GHR: variants seen among roughly 807,000 people sequenced by gnomAD.
The protein encoded by GHR is GH receptor.
Under a neutral mutation model 67.1 loss-of-function variants are expected in GHR, and 35 were observed. That is an observed-to-expected ratio of 0.52 (90% CI 0.40 to 0.69). The LOEUF (loss-of-function observed/expected upper bound fraction) is 0.69, where lower values mean the gene tolerates loss of function less well. GHR is among the 30% of genes least tolerant of loss of function. GHR has a pLI of 0.00. For synonymous variants in GHR, 272 were observed against 269.1 expected, an observed-to-expected ratio of 1.01 and a Z score of -0.10; for missense variants, 792 against 764.6, an observed-to-expected ratio of 1.04 and a Z score of -0.42.
intron 5 of GHR, among the ~76,000 whole-genome samples, chr5:42,696,559 A>G (rs1225687996): frequency 1.3e-5 from 2 of 152,210 alleles, no homozygotes; most frequent in African/African-American, 4.8e-5. Context: ...ACAGTAACTT[A>G]GTAGTTACTT....
rs1398060744 is a variant in GHR, at chr5:42,699,838, C to G, written c.454C>G (p.Pro152Ala). The change falls in exon 6 of 10, where the codon CCC (proline) becomes GCC (alanine). Residue 152 changes from proline to alanine, a missense_variant. Pro to Ala is a conservative substitution (Grantham distance 27). Coordinates refer to ENST00000230882, the MANE Select transcript of GHR (RefSeq NM_000163.5). Reference sequence around the variant, plus strand: ...GAATTGCACAGTGCAACCAGATCCACCCATTGCCCTCAACTGGACTTTACT... The same window carrying G: ...GAATTGCACAGTGCAACCAGATCCAGCCATTGCCCTCAACTGGACTTTACT... ...SVDEIVQPDP[P>A]IALNWTLLNV... is the part of the protein sequence containing the mutation. 6.2e-7 allele frequency: 1 copy of G among 1,609,254 alleles called. No homozygotes were observed. The highest frequency in any genetic ancestry group is 1.3e-5 in the African/African-American group (1 of 74,936).
At chr5:42,627,640 C>G (rs1035331727) in intron 2 of GHR, among the ~76,000 whole-genome samples, 1 of 152,238 alleles carries the variant, frequency 6.6e-6, no homozygotes, top group Non-Finnish European at 1.5e-5. Context: ...TGCCCCACTG[C>G]TCAAACCCCT....
intron 2 of GHR, among the ~76,000 whole-genome samples, chr5:42,574,483 C>T (rs1206844836): frequency 6.6e-6 from 1 of 152,208 alleles, no homozygotes; most frequent in African/African-American, 2.4e-5. Flanking sequence ...CTAAGAGGCT[C>T]TTAATGAGAA....
chr5:42,493,681 TCAA>T (rs1487752675), intron 1 of GHR, among the ~76,000 whole-genome samples: 1 of 152,222 alleles, frequency 6.6e-6, no homozygotes, highest in Non-Finnish European at 1.5e-5. Flanking sequence ...TTCTAAAAGT[TCAA>T]CTTTTGTATA....
In GHR at chr5:42,514,287, C is replaced by G. The variant is rs147943113; in HGVS notation, c.-11-51577C>G. The stretch of plus-strand genomic sequence containing the variant: ...GGTCACCTCTTTGGATTGGCAGACC[C>G]AGGGAGTCCATATTGGGAAGATAAA... On this transcript the variant is annotated intron_variant, in intron 1 of 9. Transcript: ENST00000230882. The G allele has an allele frequency of 5.4e-4, 528 of 984,158 alleles. 1 individual carries two copies. The African/African-American group carries it at 8.6e-3, about 16-fold the overall frequency. 61.0% of individuals were successfully genotyped at this position (984,158 alleles called of 1,614,324 possible).
intron 3 of GHR, among the ~76,000 whole-genome samples, chr5:42,632,625 T>C (rs867322576): frequency 6.6e-6 from 1 of 152,210 alleles, no homozygotes; most frequent in Non-Finnish European, 1.5e-5. Context: ...TTCCACAGAT[T>C]AGTTTCTTAA....
At chr5:42,514,009 G>A in intron 1 of GHR, 1 of 566,566 alleles carries the variant, frequency 1.8e-6, no homozygotes, top group Non-Finnish European at 2.2e-6. Context: ...TTGAAAAAAT[G>A]ATTTTATTAC....
At chr5:42,446,085 C>G (rs574768254) in intron 1 of GHR, among the ~76,000 whole-genome samples, 1 of 152,302 alleles carries the variant, frequency 6.6e-6, no homozygotes, top group Non-Finnish European at 1.5e-5. Context: ...CTCAGCAAAC[C>G]TGTGTTCCAT....
At chr5:42,695,401 A>G (rs1018928076) in intron 5 of GHR, among the ~76,000 whole-genome samples, 4 of 152,198 alleles carry the variant, frequency 2.6e-5, no homozygotes, top group African/African-American at 9.7e-5. Flanking sequence ...CAAAGGGTGA[A>G]CTTAATATAT....
At chr5:42,587,478 A>G (rs952419537) in intron 2 of GHR, among the ~76,000 whole-genome samples, 2 of 152,138 alleles carry the variant, frequency 1.3e-5, no homozygotes, top group African/African-American at 4.8e-5. Context: ...AGAACTCCCA[A>G]GACCAGAGGG....
chr5:42,647,574 CAAAAA>C (rs36110641), intron 3 of GHR: 40 of 325,698 alleles, frequency 1.2e-4, no homozygotes, highest in Admixed American at 4.3e-4. Flanking sequence ...ACTGCGTCTC[CAAAAA>C]AAAAAAAAAA....
chr5:42,474,497 G>A (rs1046107787), intron 1 of GHR, among the ~76,000 whole-genome samples: 4 of 152,054 alleles, frequency 2.6e-5, no homozygotes, highest in Non-Finnish European at 5.9e-5. Context: ...CCCTCTGAGA[G>A]GCTTGCAAAT....
intron 1 of GHR, among the ~76,000 whole-genome samples, chr5:42,475,907 AT>A (rs367798408): frequency 0.017 from 2,415 of 144,406 alleles, 44 homozygotes; most frequent in African/African-American, 0.053. Context: ...CAGATTAAAA[AT>A]TTTTTTTTTT....
intron 1 of GHR, among the ~76,000 whole-genome samples, chr5:42,543,685 C>T (rs900844749): frequency 1.3e-5 from 2 of 152,028 alleles, no homozygotes; most frequent in Non-Finnish European, 1.5e-5. Flanking sequence ...ATAGATCTAC[C>T]TTTTATTATA....
chr5:42,601,449 A>C (rs978535027), intron 2 of GHR, among the ~76,000 whole-genome samples: 5 of 152,138 alleles, frequency 3.3e-5, no homozygotes, highest in Non-Finnish European at 7.3e-5. Flanking sequence ...TATTTAAAAA[A>C]TCTCACTCCA....
chr5:42,438,002 T>C (rs1743406379), intron 1 of GHR, among the ~76,000 whole-genome samples: 1 of 152,226 alleles, frequency 6.6e-6, no homozygotes, highest in Non-Finnish European at 1.5e-5. Flanking sequence ...ATTAGCTTTT[T>C]GGTTTCTAAA....
intron 1 of GHR, among the ~76,000 whole-genome samples, chr5:42,519,160 T>C (rs6451624): frequency 0.46 from 69,639 of 152,022 alleles, 16,395 homozygotes; most frequent in Middle Eastern, 0.51. Context: ...GCTATAACCC[T>C]CTGTTTTCAC....
At chr5:42,505,377 T>A (rs7710528) in intron 1 of GHR, among the ~76,000 whole-genome samples, 68,961 of 151,316 alleles carry the variant, frequency 0.46, 16,156 homozygotes, top group Middle Eastern at 0.51. Context: ...TAATTTTTTT[T>A]AAAAAAGTTA....
intron 3 of GHR, among the ~76,000 whole-genome samples, chr5:42,643,607 T>G (rs759732409): frequency 6.6e-6 from 1 of 152,200 alleles, no homozygotes; most frequent in Non-Finnish European, 1.5e-5. Context: ...CATATGTGCA[T>G]GGATTTTTAG....
Sources: gnomAD v4.1 joint callset for allele counts (sites outside exome capture counted in the v4.1 genomes callset) on GRCh38, gnomAD v4.1.1 for gene constraint, MANE v1.5 for transcripts, NCBI Gene and HGNC (gene_info 2026-07-23, HGNC 2026-07-21) for gene names.